The following EPHA5 variants were observed in gnomAD, a reference collection of about 807,000 sequenced individuals.
EPHA5 encodes the protein EPH receptor A5.
Under a neutral mutation model 105.0 loss-of-function variants are expected in EPHA5, and 60 were observed. The observed-to-expected ratio is 0.57, with a 90% CI of 0.46 to 0.71. The LOEUF is 0.71. EPHA5 is among the 30% of genes least tolerant of loss of function. The pLI is 0.00. For synonymous variants in EPHA5, 513 were observed against 449.1 expected (o/e 1.14, Z -1.80); for missense variants, 1,218 against 1,274.7 (o/e 0.96, Z 0.68).
chr4:65,390,614 G>T (rs1285589539), intron 8 of EPHA5, among the ~76,000 whole-genome samples: 1 of 151,978 alleles, frequency 6.6e-6, no homozygotes, highest in East Asian at 1.9e-4. Context: ...ACCATCATGG[G>T]TATGCAGATT....
At chr4:65,546,818 T>C (rs1287100873) in intron 3 of EPHA5, among the ~76,000 whole-genome samples, 1 of 150,744 alleles carries the variant, frequency 6.6e-6, no homozygotes, top group African/African-American at 2.4e-5. Flanking sequence ...TGAGTTCTCA[T>C]TAATCATCAA....
intron 3 of EPHA5, among the ~76,000 whole-genome samples, chr4:65,504,899 C>T (rs541011432): frequency 2.6e-5 from 4 of 151,908 alleles, no homozygotes; most frequent in Non-Finnish European, 5.9e-5. Flanking sequence ...TCCTCTATAG[C>T]ACTAAGTTCT....
At chr4:65,580,783 C>G (rs983276780) in intron 3 of EPHA5, among the ~76,000 whole-genome samples, 7 of 83,584 alleles carry the variant, frequency 8.4e-5, no homozygotes, top group Non-Finnish European at 1.5e-4. Context: ...CTAAATAACA[C>G]AGTTTACTTT....
At chr4:65,416,435 T>C (rs1723391467) in intron 6 of EPHA5, among the ~76,000 whole-genome samples, 1 of 152,156 alleles carries the variant, frequency 6.6e-6, no homozygotes, top group Non-Finnish European at 1.5e-5. Flanking sequence ...ATAGGTTCTA[T>C]GTAGAATGGA....
chr4:65,496,849 T>C (rs1452077459), intron 3 of EPHA5, among the ~76,000 whole-genome samples: 2 of 152,176 alleles, frequency 1.3e-5, no homozygotes, highest in African/African-American at 4.8e-5. Context: ...AATGAATGAA[T>C]GGATTGGCAT....
intron 5 of EPHA5, among the ~76,000 whole-genome samples, chr4:65,484,101 G>A (rs1405886933): frequency 1.3e-5 from 2 of 152,018 alleles, no homozygotes; most frequent in African/African-American, 4.8e-5. Flanking sequence ...AAAGACCCTG[G>A]CACTCATTAT....
chr4:65,327,159 A>C (rs890761954), intron 16 of EPHA5, among the ~76,000 whole-genome samples: 2 of 151,232 alleles, frequency 1.3e-5, no homozygotes, highest in African/African-American at 2.4e-5. Context: ...ATCATACTAA[A>C]GAATTGTGAG....
At chr4:65,660,097 T>G (rs1289155694) in intron 1 of EPHA5, among the ~76,000 whole-genome samples, 1 of 152,100 alleles carries the variant, frequency 6.6e-6, no homozygotes, top group Non-Finnish European at 1.5e-5. Context: ...AAAGTGAAAC[T>G]GATAACATAC....
chr4:65,328,240 G>C (rs1246322253), intron 16 of EPHA5, among the ~76,000 whole-genome samples: 2 of 151,102 alleles, frequency 1.3e-5, no homozygotes, highest in Admixed American at 6.6e-5. Context: ...GGATTTTGTT[G>C]ACAAAATTGA....
chr4:65,338,989 G>T (rs1721446621), intron 14 of EPHA5, among the ~76,000 whole-genome samples: 1 of 152,064 alleles, frequency 6.6e-6, no homozygotes, highest in South Asian at 2.1e-4. Flanking sequence ...ACAAAGTAAA[G>T]AAAAGACAAT....
intron 1 of EPHA5, among the ~76,000 whole-genome samples, chr4:65,644,465 G>A (rs1280185268): frequency 2.0e-5 from 3 of 152,144 alleles, no homozygotes; most frequent in South Asian, 2.1e-4. Context: ...TTATTCCTAT[G>A]TAGAGGTATT....
intron 3 of EPHA5, among the ~76,000 whole-genome samples, chr4:65,560,043 A>C (rs768365673): frequency 3.2e-4 from 49 of 152,114 alleles, no homozygotes; most frequent in Non-Finnish European, 1.0e-4. Context: ...AAAGGTTGGC[A>C]GTTTAGTGAG....
intron 2 of EPHA5, among the ~76,000 whole-genome samples, chr4:65,621,191 T>C (rs1473352530): frequency 6.6e-6 from 1 of 152,114 alleles, no homozygotes; most frequent in East Asian, 1.9e-4. Flanking sequence ...CAGAATAAGA[T>C]GAAATAAAAA....
intron 8 of EPHA5, among the ~76,000 whole-genome samples, chr4:65,375,705 A>T (rs906456920): frequency 6.6e-6 from 1 of 151,852 alleles, no homozygotes; most frequent in Admixed American, 6.6e-5. Flanking sequence ...TATCTATGTT[A>T]AAAACTATAA....
intron 3 of EPHA5, among the ~76,000 whole-genome samples, chr4:65,586,017 A>G (rs1023278016): frequency 4.9e-4 from 75 of 151,826 alleles, no homozygotes; most frequent in African/African-American, 1.8e-3. Flanking sequence ...AATAGGAGAA[A>G]AGGAAAATGA....
chr4:65,470,219 G>C (rs1578189841), intron 5 of EPHA5, among the ~76,000 whole-genome samples: 2 of 149,828 alleles, frequency 1.3e-5, no homozygotes, highest in East Asian at 3.9e-4. Flanking sequence ...TTGAGACAGA[G>C]TCTCGCTCTG....
chr4:65,584,839 A>C (rs1222751135), intron 3 of EPHA5, among the ~76,000 whole-genome samples: 1 of 151,930 alleles, frequency 6.6e-6, no homozygotes, highest in Non-Finnish European at 1.5e-5. Flanking sequence ...CTTCCTATTT[A>C]ATTATTTATT....
At chr4:65,503,508 A>G (rs967909763) in intron 3 of EPHA5, among the ~76,000 whole-genome samples, 3 of 151,864 alleles carry the variant, frequency 2.0e-5, no homozygotes, top group Admixed American at 6.6e-5. Flanking sequence ...TAACATTAGA[A>G]TATTACATAA....
In EPHA5 at chr4:65,404,450, T is replaced by G. The variant is rs1181999243; in HGVS notation, c.1717A>C (p.Ile573Leu). 1 of 1,613,626 alleles carries G rather than the reference T, an allele frequency of 6.2e-7. No individual in the cohort carries two copies. The highest frequency in any genetic ancestry group is 1.7e-5 in the Admixed American group (1 of 59,952). The change falls in exon 8 of 17, where the codon ATT becomes CTT. Residue 573 changes from isoleucine to leucine, a missense_variant. By Grantham distance (5) the Ile-to-Leu change is conservative (BLOSUM62 2). Around this residue, in one of 3 missense-constraint regions of EPHA5, gnomAD observed 971 missense variants for 1,013.5 expected, o/e 0.96. Transcript: ENST00000613740. The part of the protein sequence containing the change: ...SVAASSDQSQ[I>L]PVIAVSVTVG... Reference sequence around the variant, plus strand: ...GTCACAGACACAGCAATTACAGGAATCTGGCTTTGATCGCTGGATGCTGCA... The same window carrying G: ...GTCACAGACACAGCAATTACAGGAAGCTGGCTTTGATCGCTGGATGCTGCA...
Sources: allele counts gnomAD v4.1 joint callset (sites outside exome capture counted in the v4.1 genomes callset), GRCh38; gene constraint gnomAD v4.1.1; regional missense constraint gnomAD v4.1.1; transcripts MANE v1.5; gene names NCBI Gene and HGNC (gene_info 2026-07-23, HGNC 2026-07-21).